Variants in TBL1Y observed in about 807,000 individuals in gnomAD.
TBL1Y encodes transducin beta like 1 Y-linked, also known as F-box-like/WD repeat-containing protein TBL1Y.
In TBL1Y, 15 loss-of-function variants were observed where a neutral mutation model predicts 12.0. The observed-to-expected ratio is 1.25, with a 90% CI of 0.83 to 1.92. The LOEUF (loss-of-function observed/expected upper bound fraction) is 1.92. Ranked by LOEUF, TBL1Y falls within the 40% of genes most tolerant of loss-of-function variation. TBL1Y has a pLI of 0.00. For synonymous variants in TBL1Y, 53 were observed against 42.6 expected, an observed-to-expected ratio of 1.24 and a Z score of -0.95; for missense variants, 148 against 116.7, an observed-to-expected ratio of 1.27 and a Z score of -1.24.
chrY:6,938,205 C>T, intron 2 of TBL1Y, among the ~76,000 whole-genome samples: 1 of 33,887 alleles, frequency 3.0e-5, no homozygotes, highest in Non-Finnish European at 7.3e-5. Context: ...GCATCTGTAC[C>T]TTCAACTCAA....
rs368763208 is a variant in TBL1Y at position 7,025,590 on chromosome Y, A to G, written c.58+448A>G. Among the ~76,000 whole-genome samples the G allele has an allele frequency of 5.0e-3, 166 of 33,315 alleles. No individual in the cohort carries two copies. In the South Asian group the frequency reaches 0.11, roughly 21 times the overall value. 89.4% of individuals were successfully genotyped at this position (33,315 alleles called of 37,273 possible). On this transcript the variant is annotated intron_variant, in intron 6 of 18. Coordinates refer to ENST00000383032, the MANE Select transcript of TBL1Y (RefSeq NM_033284.2). The stretch of plus-strand genomic sequence containing the variant: ...GCAGTCCTTGGATTCCTTGGCTTGT[A>G]GGGGCATCACCCTCGTCTCTTGTGT...
intron 7 of TBL1Y, among the ~76,000 whole-genome samples, chrY:7,044,464 T>C (rs2012747439): frequency 3.0e-5 from 1 of 33,549 alleles, no homozygotes. Flanking sequence ...CTCTGTTTTC[T>C]ACCTGGCAGT....
intron 3 of TBL1Y, among the ~76,000 whole-genome samples, chrY:6,992,498 T>G (rs2012374529): frequency 3.0e-5 from 1 of 33,422 alleles, no homozygotes; most frequent in African/African-American, 1.2e-4. Flanking sequence ...TATTTCCCAA[T>G]AAGGATTCAC....
At chrY:6,936,337 C>G (rs2011903351) in intron 2 of TBL1Y, among the ~76,000 whole-genome samples, 1 of 34,085 alleles carries the variant, frequency 2.9e-5, no homozygotes, top group Admixed American at 2.7e-4. Flanking sequence ...ACCAGGGCAT[C>G]TGAGGTGCTG....
At chrY:6,996,534 G>A (rs2012412621) in intron 4 of TBL1Y, among the ~76,000 whole-genome samples, 2 of 32,347 alleles carry the variant, frequency 6.2e-5, no homozygotes, top group Non-Finnish European at 1.5e-4. Context: ...GAGAAACCCC[G>A]TCTCTACTAA....
chrY:6,974,812 C>T (rs2012227718), intron 2 of TBL1Y, among the ~76,000 whole-genome samples: 1 of 33,087 alleles, frequency 3.0e-5, no homozygotes, highest in African/African-American at 1.2e-4. Context: ...AGGATCTAGC[C>T]GTATGATTAC....
In TBL1Y at chrY:6,982,272, C is replaced by T. The variant is rs372550250; in HGVS notation, c.-235+4029C>T. The stretch of plus-strand genomic sequence containing the variant: ...GAGTTTGAGACTAGCCTTGACAACA[C>T]AGTGAGACCATGTCTCTAAAAAAAA... On this transcript the variant is annotated intron_variant, in intron 3 of 18. Coordinates refer to ENST00000383032, the MANE Select transcript of TBL1Y (RefSeq NM_033284.2). Among the ~76,000 whole-genome samples the T allele has an allele frequency of 1.2e-4, 4 of 32,665 alleles. No individual in the cohort carries two copies. The East Asian group carries it at 3.2e-3, about 26-fold the overall frequency. 87.6% of individuals were successfully genotyped at this position (32,665 alleles called of 37,273 possible). A position where few individuals can be genotyped will look rare whatever the true frequency, so the allele number is the denominator to read the frequency against.
intron 6 of TBL1Y, among the ~76,000 whole-genome samples, chrY:7,036,293 A>G (rs2012692525): frequency 6.0e-5 from 2 of 33,596 alleles, no homozygotes; most frequent in Non-Finnish European, 1.5e-4. Context: ...AAAGTCAGTT[A>G]AGATGGGTTC....
At chrY:6,983,514 C>T in intron 3 of TBL1Y, among the ~76,000 whole-genome samples, 1 of 33,300 alleles carries the variant, frequency 3.0e-5, no homozygotes, top group South Asian at 7.0e-4. Context: ...CTTCCAAAAA[C>T]GTATTTTAGG....
chrY:6,930,220 T>G, intron 2 of TBL1Y, among the ~76,000 whole-genome samples: 1 of 33,346 alleles, frequency 3.0e-5, no homozygotes, highest in Non-Finnish European at 7.4e-5. Context: ...AATCACCATA[T>G]GTAGTATCTC....
chrY:6,937,041 C>A, intron 2 of TBL1Y, among the ~76,000 whole-genome samples: 1 of 33,067 alleles, frequency 3.0e-5, no homozygotes, highest in Admixed American at 2.8e-4. Context: ...AATTCTCACA[C>A]ATTTTCATTG....
intron 2 of TBL1Y, among the ~76,000 whole-genome samples, chrY:6,940,280 G>A: frequency 3.3e-5 from 1 of 30,677 alleles, no homozygotes; most frequent in Admixed American, 3.0e-4. Flanking sequence ...CATAATAATA[G>A]TTCAAAAATC....
chrY:7,070,368 A>T (rs746906893), intron 9 of TBL1Y, 40 bp downstream of exon 9: 2 of 385,308 alleles, frequency 5.2e-6, no homozygotes, highest in African/African-American at 1.3e-4. Context: ...GGTCAGGGAG[A>T]CGCAAGCTGC....
intron 7 of TBL1Y, among the ~76,000 whole-genome samples, chrY:7,062,510 C>G: frequency 3.0e-5 from 1 of 33,316 alleles, no homozygotes; most frequent in South Asian, 7.1e-4. Flanking sequence ...AGCATGAGAC[C>G]TATGAAGGTA....
At chrY:7,005,544 G>T (rs2012481082) in intron 4 of TBL1Y, among the ~76,000 whole-genome samples, 1 of 33,360 alleles carries the variant, frequency 3.0e-5, no homozygotes, top group African/African-American at 1.2e-4. Flanking sequence ...TTGCATGTAA[G>T]CACCAATCCA....
At chrY:6,964,666 A>G (rs916905436) in intron 2 of TBL1Y, among the ~76,000 whole-genome samples, 1 of 33,374 alleles carries the variant, frequency 3.0e-5, no homozygotes, top group Non-Finnish European at 7.4e-5. Context: ...ATCCTAAGGA[A>G]TAAGTCTATT....
chrY:6,959,413 A>G, intron 2 of TBL1Y, among the ~76,000 whole-genome samples: 2 of 32,401 alleles, frequency 6.2e-5, no homozygotes, highest in African/African-American at 1.2e-4. Context: ...TTTTCCCTAC[A>G]TATGTCCCTT....
chrY:7,071,822 G>A lies in TBL1Y; in HGVS notation c.886G>A (p.Val296Ile), dbSNP rs1420427006. ...GGGGAATTATGTTTTGAGTGCTGGTGTAGACAAAGTGAGTATTAGCTTAAA... is the reference window on the plus strand; with the variant it reads ...GGGGAATTATGTTTTGAGTGCTGGTATAGACAAAGTGAGTATTAGCTTAAA... ...KKGNYVLSAG[V>I]DKTTIIWDAH... The change falls in exon 12 of 19, where the codon GTA becomes ATA. Residue 296 changes from valine (V) to isoleucine (I), a missense_variant. Transcript: ENST00000383032. The A allele has an allele frequency of 2.6e-6, 1 of 389,797 alleles. No homozygotes were observed. Among genetic ancestry groups the A allele is most frequent in the South Asian group, 3.0e-5 (1 of 33,021 alleles).
intron 4 of TBL1Y, among the ~76,000 whole-genome samples, chrY:7,021,198 A>G (rs757065084): frequency 5.9e-5 from 2 of 33,779 alleles, no homozygotes; most frequent in African/African-American, 2.3e-4. Context: ...ATCTATTTTG[A>G]GACTTTTCTT....
Sources: allele counts gnomAD v4.1 joint callset (sites outside exome capture counted in the v4.1 genomes callset), GRCh38; gene constraint gnomAD v4.1.1; transcripts MANE v1.5; gene names NCBI Gene and HGNC (gene_info 2026-07-23, HGNC 2026-07-21).